Variants in EFR3B observed in about 807,000 individuals in gnomAD.
EFR3B encodes the protein EFR3 homolog B.
In EFR3B, 64 loss-of-function variants were observed where a neutral mutation model predicts 104.7. The observed-to-expected ratio is 0.61, with a 90% CI of 0.50 to 0.75. The LOEUF (loss-of-function observed/expected upper bound fraction) is 0.75, where lower values mean the gene tolerates loss of function less well. Among genes scored for constraint, EFR3B ranks in the 30% least tolerant of loss-of-function variants. EFR3B has a pLI of 0.00. For synonymous variants in EFR3B, 385 were observed against 417.9 expected (o/e 0.92, Z 0.96); for missense variants, 750 against 1,078.5 (o/e 0.70, Z 4.27).
chr2:25,120,832 A>G (rs140820326), intron 4 of EFR3B, among the ~76,000 whole-genome samples: 1 of 152,356 alleles, frequency 6.6e-6, no homozygotes, highest in African/African-American at 2.4e-5. Flanking sequence ...GATGCCGATC[A>G]AGACCTACTG....
At chr2:25,097,314 T>C (rs1175158248) in intron 3 of EFR3B, among the ~76,000 whole-genome samples, 1 of 152,234 alleles carries the variant, frequency 6.6e-6, no homozygotes, top group Non-Finnish European at 1.5e-5. Context: ...TGATCTCTTA[T>C]TCTCTCTTTG....
rs530003683 is a variant in EFR3B at position 25,120,480 on chromosome 2, C to T, written c.364-1193C>T. ...CCAACATGGTGAAACCCCGTCTCTA[C>T]TAAAAATACAAAAATTAGCTGGGCA... On this transcript the variant is annotated intron_variant, in intron 4 of 22. Transcript: ENST00000403714. Among the ~76,000 whole-genome samples, 386 of 152,128 alleles carry T rather than the reference C, an allele frequency of 2.5e-3. 2 individuals carry two copies. Among genetic ancestry groups the T allele is most frequent in the African/African-American group, 8.9e-3 (370 of 41,502 alleles).
chr2:25,112,685 T>G (rs1434268587), intron 4 of EFR3B, among the ~76,000 whole-genome samples: 1 of 152,214 alleles, frequency 6.6e-6, no homozygotes, highest in Non-Finnish European at 1.5e-5. Context: ...GTCTTAAATT[T>G]GGGCAATGTT....
intron 20 of EFR3B, among the ~76,000 whole-genome samples, chr2:25,150,031 G>A (rs1054829069): frequency 6.6e-6 from 1 of 152,212 alleles, no homozygotes; most frequent in Non-Finnish European, 1.5e-5. Context: ...GCCAGGCATG[G>A]TGGCTCACGC....
rs1670407086 is a variant in EFR3B, at chr2:25,132,962, A to T, written c.1207A>T (p.Ser403Cys). Residue 403 changes from serine (S) to cysteine (C), a missense_variant, in exon 11 of 23, where the codon AGC becomes TGC. Ser to Cys is a moderately radical substitution (Grantham distance 112, BLOSUM62 -1). Transcript: ENST00000403714. Reference sequence around the variant, plus strand: ...CTCCGAGGTGATCCTCTTCATCATGAGCAAGGTCCCGCGGCCATCCCTGCA... The same window carrying T: ...CTCCGAGGTGATCCTCTTCATCATGTGCAAGGTCCCGCGGCCATCCCTGCA... The part of the protein sequence containing the change: ...QRSEVILFIM[S>C]KVPRPSLHQA... 6.4e-7 allele frequency: 1 copy of T among 1,551,506 alleles called. No homozygotes were observed. Among genetic ancestry groups the T allele is most frequent in the South Asian group, 1.2e-5 (1 of 84,064 alleles).
intron 12 of EFR3B, among the ~76,000 whole-genome samples, chr2:25,134,923 G>A (rs976147895): frequency 1.3e-5 from 2 of 152,178 alleles, no homozygotes; most frequent in Non-Finnish European, 1.5e-5. Flanking sequence ...AGCATGTATG[G>A]CATATCTATT....
intron 1 of EFR3B, among the ~76,000 whole-genome samples, chr2:25,060,040 T>C (rs185462178): frequency 6.6e-6 from 1 of 151,552 alleles, no homozygotes; most frequent in East Asian, 1.9e-4. Context: ...CTACTAAAAA[T>C]ACAAAAATTA....
chr2:25,070,529 C>G lies in EFR3B; in HGVS notation c.8-20796C>G, dbSNP rs941192470. Among the ~76,000 whole-genome samples the G allele has an allele frequency of 3.3e-5, 5 of 152,192 alleles. No homozygotes were observed. In the South Asian group the frequency reaches 8.3e-4, roughly 25 times the overall value. On this transcript the variant is annotated intron_variant, in intron 1 of 22. Transcript: ENST00000403714. The stretch of plus-strand genomic sequence containing the variant: ...CCACCTGCCTCAGCCTCCCAAAGTG[C>G]TAGGATTACAGGCGTGAGCCACCGC...
chr2:25,054,289 C>G (rs1667961036), intron 1 of EFR3B, among the ~76,000 whole-genome samples: 1 of 152,030 alleles, frequency 6.6e-6, no homozygotes, highest in African/African-American at 2.4e-5. Flanking sequence ...GGACACTGTA[C>G]CTGTGAAAGG....
intron 4 of EFR3B, among the ~76,000 whole-genome samples, chr2:25,108,496 T>G (rs1416727475): frequency 6.6e-6 from 1 of 152,204 alleles, no homozygotes; most frequent in Admixed American, 6.5e-5. Context: ...GATTGAAAGT[T>G]TATACTTTCA....
chr2:25,091,182 G>A (rs1019125415), intron 1 of EFR3B, 143 bp from the exon 2 acceptor site: 1 of 686,134 alleles, frequency 1.5e-6, no homozygotes, highest in Non-Finnish European at 2.5e-6. Context: ...GGAGGACAAG[G>A]CCCCGAGCCC....
intron 1 of EFR3B, among the ~76,000 whole-genome samples, chr2:25,085,296 A>G (rs1031734285): frequency 6.6e-6 from 1 of 152,240 alleles, no homozygotes; most frequent in Non-Finnish European, 1.5e-5. Flanking sequence ...CTCAAAGGTC[A>G]AATGACAGAA....
At chr2:25,090,358 T>C (rs1669079248) in intron 1 of EFR3B, among the ~76,000 whole-genome samples, 1 of 152,236 alleles carries the variant, frequency 6.6e-6, no homozygotes, top group South Asian at 2.1e-4. Flanking sequence ...ATGGCTATTA[T>C]TCCTTTACTA....
At chr2:25,092,363 C>T (rs1365070017) in intron 2 of EFR3B, among the ~76,000 whole-genome samples, 3 of 149,764 alleles carry the variant, frequency 2.0e-5, no homozygotes, top group African/African-American at 2.5e-5. Context: ...CCACCACACC[C>T]GGCCTGGGTG....
chr2:25,089,099 TC>T (rs1434857695), intron 1 of EFR3B, among the ~76,000 whole-genome samples: 1 of 152,008 alleles, frequency 6.6e-6, no homozygotes, highest in Non-Finnish European at 1.5e-5. Context: ...CCTGAGGAGC[TC>T]CCCTTCTGGA....
chr2:25,157,576 C>T lies in EFR3B; in HGVS notation c.*3236C>T, dbSNP rs1211927109. 2.0e-5 allele frequency: 3 copies of T among 152,222 alleles called. No homozygotes were observed. The highest frequency in any genetic ancestry group is 2.9e-5 in the Non-Finnish European group (2 of 68,086). 9.4% of individuals were successfully genotyped at this position (152,222 alleles called of 1,614,324 possible). On this transcript the variant is annotated 3_prime_UTR_variant, in exon 23 of 23. Transcript: ENST00000403714. ...ATTGAGACCGGCTGCTCCCAAAGCCCGAGGACTCTAGCTGTGTGGGGAAGG... is the reference window on the plus strand; with the variant it reads ...ATTGAGACCGGCTGCTCCCAAAGCCTGAGGACTCTAGCTGTGTGGGGAAGG...
intron 5 of EFR3B, among the ~76,000 whole-genome samples, chr2:25,126,344 A>G (rs565968260): frequency 4.7e-5 from 7 of 149,306 alleles, no homozygotes; most frequent in Non-Finnish European, 7.4e-5. Flanking sequence ...GCGCACCACC[A>G]TACCTGGCTA....
chr2:25,149,501 G>A (rs900228545), intron 19 of EFR3B, among the ~76,000 whole-genome samples, 193 bp from the exon 20 acceptor site: 29 of 152,190 alleles, frequency 1.9e-4, no homozygotes, highest in Non-Finnish European at 7.3e-5. Context: ...CTTCCCCGCT[G>A]CATCTCGCTG....
intron 1 of EFR3B, among the ~76,000 whole-genome samples, chr2:25,065,080 G>C (rs963247704): frequency 9.0e-5 from 10 of 110,708 alleles, no homozygotes; most frequent in African/African-American, 1.3e-4. Flanking sequence ...CCCACCTGGC[G>C]GGGGGGGCGG....
Sources: gnomAD v4.1 joint callset for allele counts (sites outside exome capture counted in the v4.1 genomes callset) on GRCh38, gnomAD v4.1.1 for gene constraint, MANE v1.5 for transcripts, NCBI Gene and HGNC (gene_info 2026-07-23, HGNC 2026-07-21) for gene names.